Variants in NDUFAF6 observed in about 807,000 individuals in gnomAD.
The protein encoded by NDUFAF6 is NADH dehydrogenase (ubiquinone) complex I, assembly factor 6.
NDUFAF6 carries 45 observed loss-of-function variants against 40.8 expected under a neutral mutation model. That is an observed-to-expected ratio of 1.10 (90% CI 0.87 to 1.42). NDUFAF6 has a LOEUF of 1.42. NDUFAF6 is among the 40% of genes most tolerant of loss of function. The pLI is 0.00. For synonymous variants in NDUFAF6, 185 were observed against 155.9 expected, an observed-to-expected ratio of 1.19 and a Z score of -1.39; for missense variants, 435 against 418.5, an observed-to-expected ratio of 1.04 and a Z score of -0.34.
chr8:95,063,593 T>A (rs1274372505), downstream of NDUFAF6, among the ~76,000 whole-genome samples: 2 of 152,158 alleles, frequency 1.3e-5, no homozygotes, highest in Non-Finnish European at 2.9e-5. Flanking sequence ...CGAGACTCTG[T>A]CTCAAAACAA....
At chr8:94,995,565 C>A (rs933350519) in intron 2 of NDUFAF6, among the ~76,000 whole-genome samples, 1 of 151,748 alleles carries the variant, frequency 6.6e-6, no homozygotes, top group South Asian at 2.1e-4. Context: ...GGAGTTTGAG[C>A]CCCCATCTTT....
chr8:94,904,408 C>G lies in NDUFAF6; in HGVS notation c.-936+8481C>G, dbSNP rs528596278. On this transcript the variant is annotated intron_variant, in intron 1 of 14. Transcript: ENST00000396113. ...AGCCAGGATGGTCTCGATCTCCTGACCTCGTGATCTGCCCGCCTCGGCCTC... is the reference window on the plus strand; with the variant it reads ...AGCCAGGATGGTCTCGATCTCCTGAGCTCGTGATCTGCCCGCCTCGGCCTC... 2.9e-5 allele frequency among the ~76,000 whole-genome samples: 4 copies of G among 135,882 alleles called. No homozygotes were observed. In the East Asian group the frequency reaches 9.4e-4, roughly 32 times the overall value. The allele number at this position is 135,882 out of a possible 152,430, so 89.1% of individuals were successfully genotyped here. A position where few individuals can be genotyped will look rare whatever the true frequency, so the allele number is the denominator to read the frequency against.
At chr8:95,074,083 A>G (rs1878736) in intron 9 of NDUFAF6, among the ~76,000 whole-genome samples, 89,116 of 151,974 alleles carry the variant, frequency 0.59, 26,689 homozygotes, top group East Asian at 0.8. Context: ...GAAGTGGGTA[A>G]GGGTTGGGAT....
chr8:95,015,959 G>C (rs1024055750), intron 2 of NDUFAF6, among the ~76,000 whole-genome samples: 1 of 152,140 alleles, frequency 6.6e-6, no homozygotes, highest in Non-Finnish European at 1.5e-5. Context: ...ATACGCAAAG[G>C]CTTTAAAGAG....
chr8:95,088,688 T>TG (rs1809133423), intron 2 of NDUFAF6, among the ~76,000 whole-genome samples: 7 of 130,252 alleles, frequency 5.4e-5, no homozygotes, highest in South Asian at 4.7e-4. Context: ...TTTTTGGGGT[T>TG]TTGTGTGTGT....
chr8:95,055,868 A>G lies in NDUFAF6; in HGVS notation c.874-1941A>G, dbSNP rs556574187. Among the ~76,000 whole-genome samples the G allele has an allele frequency of 2.6e-5, 4 of 152,380 alleles. No homozygotes were observed. The South Asian group carries it at 8.3e-4, about 32-fold the overall frequency. ...CACCGATGAACTTACCACTCGAGCC[A>G]GGAACTAGTCTGTCACCATTAAATT... On this transcript the variant is annotated intron_variant, in intron 8 of 8. Coordinates refer to ENST00000396124, the MANE Select transcript of NDUFAF6 (RefSeq NM_152416.4).
intron 1 of NDUFAF6, among the ~76,000 whole-genome samples, chr8:94,972,386 C>T (rs1035491933): frequency 6.6e-6 from 1 of 152,066 alleles, no homozygotes; most frequent in Non-Finnish European, 1.5e-5. Context: ...GGATTACAGG[C>T]GTGCGCCACA....
chr8:95,086,862 C>A (rs1455579734), intron 2 of NDUFAF6, among the ~76,000 whole-genome samples: 1 of 152,168 alleles, frequency 6.6e-6, no homozygotes, highest in Non-Finnish European at 1.5e-5. Context: ...CTCCGCCCCC[C>A]AAAGTGCTGG....
chr8:95,081,164 T>C (rs1329250744), downstream of NDUFAF6, among the ~76,000 whole-genome samples: 20 of 130,092 alleles, frequency 1.5e-4, no homozygotes, highest in Middle Eastern at 3.6e-3. Context: ...TTTTTTTTTT[T>C]TTTTTTTTTT....
At chr8:94,970,039 G>A (rs1313251616) in intron 1 of NDUFAF6, among the ~76,000 whole-genome samples, 1 of 152,070 alleles carries the variant, frequency 6.6e-6, no homozygotes, top group East Asian at 1.9e-4. Context: ...GGCGGATCAC[G>A]AGGTGAGGAG....
intron 1 of NDUFAF6, chr8:94,927,694 CAACA>C (rs1820018369): frequency 6.6e-6 from 1 of 152,062 alleles, no homozygotes; most frequent in African/African-American, 2.4e-5. Flanking sequence ...AATGTTTTGT[CAACA>C]AAAACAAACT....
At chr8:94,920,952 T>C (rs752384103) in intron 1 of NDUFAF6, among the ~76,000 whole-genome samples, 2 of 139,238 alleles carry the variant, frequency 1.4e-5, no homozygotes, top group African/African-American at 2.6e-5. Flanking sequence ...AGCTCTGGGA[T>C]CACCTTGCTT....
chr8:94,980,215 A>T (rs192544328), intron 1 of NDUFAF6, among the ~76,000 whole-genome samples: 28 of 149,310 alleles, frequency 1.9e-4, no homozygotes, highest in African/African-American at 6.6e-4. Context: ...CATTTTTATT[A>T]TATATATATA....
At chr8:94,940,393 A>C (rs2904893) in intron 1 of NDUFAF6, among the ~76,000 whole-genome samples, 99,264 of 151,968 alleles carry the variant, frequency 0.65, 33,057 homozygotes, top group East Asian at 0.79. Flanking sequence ...AGTTCAGAAA[A>C]CCATTTATAT....
chr8:95,089,853 T>A (rs1178228160), intron 2 of NDUFAF6, among the ~76,000 whole-genome samples: 1 of 152,190 alleles, frequency 6.6e-6, no homozygotes, highest in African/African-American at 2.4e-5. Context: ...AAAAATATTA[T>A]TTTTAGTTAA....
At chr8:94,930,763 CAG>C (rs1269851239) in intron 1 of NDUFAF6, 13 of 1,606,064 alleles carry the variant, frequency 8.1e-6, no homozygotes, top group East Asian at 2.2e-5. Context: ...TATTAAATAA[CAG>C]AGTATGTTAT....
chr8:94,932,167 CTT>C (rs1820474239), intron 1 of NDUFAF6: 1 of 1,552,974 alleles, frequency 6.4e-7, no homozygotes, highest in East Asian at 2.3e-5. Flanking sequence ...GCTATTGTAA[CTT>C]TACTATTAGG....
chr8:94,978,407 A>G (rs1174817229), intron 1 of NDUFAF6, among the ~76,000 whole-genome samples: 2 of 152,052 alleles, frequency 1.3e-5, no homozygotes, highest in African/African-American at 4.8e-5. Flanking sequence ...ATTCTCTATC[A>G]TATCCTTTAT....
At chr8:94,906,699 A>C (rs747119925) in intron 1 of NDUFAF6, among the ~76,000 whole-genome samples, 5 of 152,212 alleles carry the variant, frequency 3.3e-5, no homozygotes, top group Non-Finnish European at 5.9e-5. Flanking sequence ...TAAGTCGTGG[A>C]TCCACCTTGG....
Sources: gnomAD v4.1 joint callset for allele counts (sites outside exome capture counted in the v4.1 genomes callset) on GRCh38, gnomAD v4.1.1 for gene constraint, MANE v1.5 for transcripts, NCBI Gene and HGNC (gene_info 2026-07-23, HGNC 2026-07-21) for gene names.